CTNNA2: variants seen among roughly 807,000 people sequenced by gnomAD.
CTNNA2 encodes catenin alpha-2.
In CTNNA2, 42 loss-of-function variants were observed where a neutral mutation model predicts 101.0. That is an observed-to-expected ratio of 0.42 (90% CI 0.32 to 0.54). The LOEUF (loss-of-function observed/expected upper bound fraction) is 0.54, where lower values mean the gene tolerates loss of function less well. Among genes scored for constraint, CTNNA2 ranks in the 20% least tolerant of loss-of-function variants. CTNNA2 has a pLI of 0.14. For synonymous variants in CTNNA2, 450 were observed against 456.4 expected (o/e 0.99, Z 0.18); for missense variants, 871 against 1,223.1 (o/e 0.71, Z 4.29).
intron 3 of CTNNA2, among the ~76,000 whole-genome samples, chr2:79,371,700 A>G (rs967180773): frequency 2.6e-5 from 4 of 152,168 alleles, no homozygotes; most frequent in Non-Finnish European, 5.9e-5. Flanking sequence ...ATTGCCTGGA[A>G]CTATCCCAGT....
At chr2:80,574,607 T>C (rs1694881822) in intron 13 of CTNNA2, among the ~76,000 whole-genome samples, 2 of 152,116 alleles carry the variant, frequency 1.3e-5, no homozygotes, top group African/African-American at 4.8e-5. Flanking sequence ...TCCATTTGTA[T>C]CTCTTGCTAA....
At chr2:79,216,254 A>G (rs1180158868) in intron 2 of CTNNA2, among the ~76,000 whole-genome samples, 1 of 151,932 alleles carries the variant, frequency 6.6e-6, no homozygotes, top group Non-Finnish European at 1.5e-5. Context: ...TTAGGTTTTT[A>G]AGAACACAGG....
At chr2:79,949,436 A>C (rs1429305548) in intron 7 of CTNNA2, among the ~76,000 whole-genome samples, 2 of 152,176 alleles carry the variant, frequency 1.3e-5, no homozygotes, top group Non-Finnish European at 2.9e-5. Context: ...ACTGGTATTC[A>C]GATTTGTTCA....
At chr2:79,722,508 A>G (rs1401966015) in intron 2 of CTNNA2, among the ~76,000 whole-genome samples, 1 of 152,152 alleles carries the variant, frequency 6.6e-6, no homozygotes, top group Non-Finnish European at 1.5e-5. Flanking sequence ...CTTCTGACAG[A>G]TCTCACAGGA....
At chr2:79,808,209 GT>G (rs1310075247) in intron 3 of CTNNA2, among the ~76,000 whole-genome samples, 4 of 152,162 alleles carry the variant, frequency 2.6e-5, no homozygotes, top group African/African-American at 9.7e-5. Context: ...TACTGTGCCA[GT>G]TGGGTTCAGC....
chr2:80,260,418 G>A (rs1318166090), intron 7 of CTNNA2, among the ~76,000 whole-genome samples: 1 of 152,152 alleles, frequency 6.6e-6, no homozygotes, highest in African/African-American at 2.4e-5. Context: ...CTACAACTCT[G>A]TCTTTGCCTG....
chr2:80,358,282 A>G (rs1674037377), intron 7 of CTNNA2, among the ~76,000 whole-genome samples: 1 of 151,824 alleles, frequency 6.6e-6, no homozygotes, highest in Admixed American at 6.6e-5. Context: ...GGCATGTAAT[A>G]GATATCAAAA....
At chr2:80,030,746 A>G (rs1341088667) in intron 7 of CTNNA2, among the ~76,000 whole-genome samples, 2 of 152,232 alleles carry the variant, frequency 1.3e-5, no homozygotes, top group Non-Finnish European at 2.9e-5. Flanking sequence ...AGAATCATTT[A>G]TAGGATATGT....
chr2:79,302,324 T>C (rs1558614961), intron 2 of CTNNA2, among the ~76,000 whole-genome samples: 1 of 152,056 alleles, frequency 6.6e-6, no homozygotes, highest in Non-Finnish European at 1.5e-5. Context: ...CCCTGCTCCT[T>C]TTGCTTGGAG....
At chr2:80,425,935 G>C (rs1221834411) in intron 9 of CTNNA2, among the ~76,000 whole-genome samples, 1 of 151,328 alleles carries the variant, frequency 6.6e-6, no homozygotes, top group East Asian at 1.9e-4. Flanking sequence ...AGAAGCTTTT[G>C]TTGTTGTTGT....
chr2:80,488,415 C>T lies in CTNNA2; in HGVS notation c.1291-56567C>T, dbSNP rs190270798. ...TTCCCTAAGTCCCTCAACTTTACTA[C>T]GGTCTTTTGGGGATCATTATAGGAC... On this transcript the variant is annotated intron_variant, in intron 9 of 18. Coordinates refer to ENST00000402739, the MANE Select transcript of CTNNA2 (RefSeq NM_001282597.3). Among the ~76,000 whole-genome samples the T allele has an allele frequency of 1.2e-3, 178 of 152,078 alleles. 1 individual carries two copies. Among genetic ancestry groups the T allele is most frequent in the African/African-American group, 4.0e-3 (165 of 41,480 alleles).
chr2:79,318,291 T>C (rs1244906251), intron 3 of CTNNA2, among the ~76,000 whole-genome samples: 3 of 152,146 alleles, frequency 2.0e-5, no homozygotes, highest in African/African-American at 7.2e-5. Context: ...TTGTTCTTCT[T>C]GGTGCTATAA....
At chr2:79,198,865 G>C (rs556563698) in intron 2 of CTNNA2, among the ~76,000 whole-genome samples, 13 of 140,556 alleles carry the variant, frequency 9.2e-5, no homozygotes, top group African/African-American at 2.9e-4. Context: ...GATATAAAAA[G>C]ATTAATGTGT....
intron 4 of CTNNA2, among the ~76,000 whole-genome samples, chr2:79,431,376 G>T (rs62156991): frequency 0.32 from 48,381 of 152,026 alleles, 7,826 homozygotes; most frequent in South Asian, 0.44. Context: ...AAGGTTGATT[G>T]TTGCTCATGC....
chr2:80,370,435 G>GTAAC (rs1675339885), intron 7 of CTNNA2, among the ~76,000 whole-genome samples: 1 of 152,044 alleles, frequency 6.6e-6, no homozygotes. Context: ...AGACTATTGT[G>GTAAC]TAACTTTAAA....
intron 3 of CTNNA2, among the ~76,000 whole-genome samples, chr2:79,370,123 C>T (rs1161229799): frequency 6.6e-6 from 1 of 152,144 alleles, no homozygotes; most frequent in African/African-American, 2.4e-5. Context: ...ATCTGACACT[C>T]CCTCTCATAA....
chr2:79,925,779 A>G (rs1167311210), intron 7 of CTNNA2, among the ~76,000 whole-genome samples: 1 of 151,938 alleles, frequency 6.6e-6, no homozygotes. Context: ...TGAATTCAAT[A>G]TTTGGTTTTT....
intron 3 of CTNNA2, among the ~76,000 whole-genome samples, chr2:79,783,595 A>G (rs550360948): frequency 2.0e-4 from 30 of 152,162 alleles, no homozygotes; most frequent in African/African-American, 6.7e-4. Flanking sequence ...CTTATCCCCT[A>G]ATTTTCACTC....
intron 1 of CTNNA2, among the ~76,000 whole-genome samples, chr2:79,571,402 C>T (rs1675450865): frequency 6.6e-6 from 1 of 152,118 alleles, no homozygotes; most frequent in Admixed American, 6.6e-5. Flanking sequence ...CTGATAGATA[C>T]CCAGAGTGTG....
Sources: allele counts gnomAD v4.1 joint callset (sites outside exome capture counted in the v4.1 genomes callset), GRCh38; gene constraint gnomAD v4.1.1; transcripts MANE v1.5; gene names NCBI Gene and HGNC (gene_info 2026-07-23, HGNC 2026-07-21).